Variants in GPC5 observed in about 807,000 individuals in gnomAD.
GPC5 encodes glypican-5.
Under a neutral mutation model 53.9 loss-of-function variants are expected in GPC5, and 47 were observed. The ratio of observed to expected loss-of-function variants is 0.87; its 90% CI spans 0.69 to 1.11. GPC5 has a LOEUF of 1.11. GPC5 is among the 50% of genes most tolerant of loss of function. GPC5 has a pLI of 0.00. For missense variants in GPC5, 748 were observed against 713.1 expected, an observed-to-expected ratio of 1.05 and a Z score of -0.56; for synonymous variants, 286 against 263.3, an observed-to-expected ratio of 1.09 and a Z score of -0.84.
chr13:91,412,288 C>T (rs968142648), intron 1 of GPC5, among the ~76,000 whole-genome samples: 1 of 152,210 alleles, frequency 6.6e-6, no homozygotes, highest in Admixed American at 6.5e-5. Context: ...TGTTCTTAGC[C>T]CTTGCTAGTC....
In GPC5 at chr13:92,735,863, C is replaced by T. The variant is rs1888920458; in HGVS notation, c.1562-130419C>T. On this transcript the variant is annotated intron_variant, in intron 7 of 7. Transcript: ENST00000377067. The stretch of plus-strand genomic sequence containing the variant: ...TGCTTGGCATTAGTATGTGTCCTAT[C>T]AGCCTCATTAACTAGGATGTAAAGA... Among the ~76,000 whole-genome samples, 5 of 152,070 alleles carry T rather than the reference C, an allele frequency of 3.3e-5. No individual in the cohort carries two copies. In the East Asian group the frequency reaches 5.8e-4, roughly 18 times the overall value.
intron 6 of GPC5, among the ~76,000 whole-genome samples, chr13:91,985,243 G>A (rs571036470): frequency 4.3e-4 from 65 of 152,118 alleles, no homozygotes; most frequent in African/African-American, 1.3e-3. Flanking sequence ...CCTTAAAGTC[G>A]GCTTTGACTG....
At chr13:92,491,633 G>A (rs886143516) in intron 7 of GPC5, among the ~76,000 whole-genome samples, 7 of 151,982 alleles carry the variant, frequency 4.6e-5, no homozygotes, top group Non-Finnish European at 1.5e-5. Flanking sequence ...TAGTGCACTT[G>A]GCCAACCGTG....
At chr13:91,656,469 C>T (rs899439496) in intron 2 of GPC5, among the ~76,000 whole-genome samples, 1 of 152,126 alleles carries the variant, frequency 6.6e-6, no homozygotes, top group Admixed American at 6.6e-5. Flanking sequence ...TGTTACACAG[C>T]GTACTAGAGT....
intron 7 of GPC5, among the ~76,000 whole-genome samples, chr13:92,287,441 G>A (rs762869791): frequency 1.3e-5 from 2 of 152,148 alleles, no homozygotes; most frequent in African/African-American, 2.4e-5. Context: ...ATTAGTAAAA[G>A]TAGGGTTTGA....
At chr13:92,678,405 TG>T (rs1887014298) in intron 7 of GPC5, among the ~76,000 whole-genome samples, 3 of 151,638 alleles carry the variant, frequency 2.0e-5, no homozygotes, top group African/African-American at 4.8e-5. Context: ...GTTTTAAATA[TG>T]GTTGCCAGGT....
At chr13:92,124,995 C>T (rs898784570) in intron 6 of GPC5, among the ~76,000 whole-genome samples, 6 of 152,104 alleles carry the variant, frequency 3.9e-5, no homozygotes, top group Admixed American at 3.9e-4. Context: ...TTCCTTCCTT[C>T]GTTAGGTAAC....
intron 2 of GPC5, among the ~76,000 whole-genome samples, chr13:91,658,843 C>A (rs2034913968): frequency 6.6e-6 from 1 of 152,148 alleles, no homozygotes. Context: ...TTCACACTTG[C>A]TGATTCCTGC....
At chr13:92,444,947 G>C (rs1263166413) in intron 7 of GPC5, among the ~76,000 whole-genome samples, 1 of 152,066 alleles carries the variant, frequency 6.6e-6, no homozygotes, top group East Asian at 1.9e-4. Context: ...GATCTTAGCA[G>C]GTGCTATTTT....
intron 7 of GPC5, among the ~76,000 whole-genome samples, chr13:92,595,487 G>A (rs957152378): frequency 1.3e-5 from 2 of 152,026 alleles, no homozygotes; most frequent in African/African-American, 2.4e-5. Flanking sequence ...TAGTATTTAC[G>A]GCCGGGCGCG....
At chr13:91,870,006 G>T (rs2039126654) in intron 5 of GPC5, among the ~76,000 whole-genome samples, 1 of 152,150 alleles carries the variant, frequency 6.6e-6, no homozygotes, top group South Asian at 2.1e-4. Context: ...CTTGGGTGGA[G>T]ACACAGAGCA....
chr13:92,125,185 C>T (rs539405652), intron 6 of GPC5, among the ~76,000 whole-genome samples: 27 of 152,242 alleles, frequency 1.8e-4, no homozygotes, highest in Non-Finnish European at 2.8e-4. Flanking sequence ...AAACTAAAGC[C>T]AACAACTGTG....
At chr13:92,263,207 G>A (rs1377247283) in intron 7 of GPC5, among the ~76,000 whole-genome samples, 2 of 151,990 alleles carry the variant, frequency 1.3e-5, no homozygotes, top group Non-Finnish European at 2.9e-5. Context: ...TGATACAACA[G>A]AAGAAAAGGA....
intron 7 of GPC5, among the ~76,000 whole-genome samples, chr13:92,152,800 G>A (rs1446464190): frequency 6.6e-6 from 1 of 150,632 alleles, no homozygotes; most frequent in African/African-American, 2.4e-5. Context: ...GGTAGATACA[G>A]TTATACACAC....
chr13:91,673,873 C>A (rs566375469), intron 2 of GPC5, among the ~76,000 whole-genome samples: 25 of 152,084 alleles, frequency 1.6e-4, no homozygotes, highest in African/African-American at 5.6e-4. Flanking sequence ...CTTTTACTCT[C>A]GTGATGAGGC....
At chr13:92,284,840 G>T (rs1206694372) in intron 7 of GPC5, among the ~76,000 whole-genome samples, 2 of 152,178 alleles carry the variant, frequency 1.3e-5, no homozygotes, top group Non-Finnish European at 2.9e-5. Flanking sequence ...ACAAGACAGG[G>T]ATGCCCTCTC....
intron 7 of GPC5, among the ~76,000 whole-genome samples, chr13:92,739,517 C>T (rs1889029886): frequency 6.6e-6 from 1 of 151,968 alleles, no homozygotes. Context: ...ATCACATCTG[C>T]CCATCTGGTC....
intron 6 of GPC5, among the ~76,000 whole-genome samples, chr13:92,111,779 C>T (rs578137210): frequency 9.2e-5 from 14 of 152,004 alleles, no homozygotes; most frequent in Admixed American, 3.3e-4. Context: ...AACTAATCCA[C>T]GAAAAAGGAT....
intron 7 of GPC5, among the ~76,000 whole-genome samples, chr13:92,331,265 A>G (rs2043286145): frequency 6.6e-6 from 1 of 152,216 alleles, no homozygotes; most frequent in African/African-American, 2.4e-5. Context: ...ACAAAGTAGA[A>G]ATATATTTTA....
Sources: allele counts gnomAD v4.1 joint callset (sites outside exome capture counted in the v4.1 genomes callset), GRCh38; gene constraint gnomAD v4.1.1; transcripts MANE v1.5; gene names NCBI Gene and HGNC (gene_info 2026-07-23, HGNC 2026-07-21).